The following PDE1C variants were observed in gnomAD, a reference collection of about 807,000 sequenced individuals.
PDE1C encodes the protein phosphodiesterase 1C.
In PDE1C, 62 loss-of-function variants were observed where a neutral mutation model predicts 93.1. That is an observed-to-expected ratio of 0.67 (90% confidence interval 0.54 to 0.82). PDE1C has a LOEUF of 0.82. Among genes scored for constraint, PDE1C ranks in the 40% least tolerant of loss-of-function variants. PDE1C has a pLI of 0.00. For missense variants in PDE1C, 742 were observed against 884.6 expected, an observed-to-expected ratio of 0.84 and a Z score of 2.04; for synonymous variants, 325 against 310.1, an observed-to-expected ratio of 1.05 and a Z score of -0.50.
intron 1 of PDE1C, among the ~76,000 whole-genome samples, chr7:32,214,120 CTT>C (rs1377913688): frequency 3.3e-5 from 5 of 151,852 alleles, no homozygotes; most frequent in Non-Finnish European, 5.9e-5. Context: ...ATGTAAAAAA[CTT>C]TTTATACATA....
chr7:31,850,438 T>C (rs772834253), intron 8 of PDE1C, among the ~76,000 whole-genome samples: 31 of 152,012 alleles, frequency 2.0e-4, no homozygotes, highest in Non-Finnish European at 3.5e-4. Flanking sequence ...CTGAACAAAA[T>C]AGGAGAATTA....
Position 31,884,490 on chromosome 7 carries a change from C to T in PDE1C, c.129-3630G>A, listed in dbSNP as rs150484380. Among the ~76,000 whole-genome samples, 197 of 152,120 alleles carry T rather than the reference C, an allele frequency of 1.3e-3. 5 individuals are homozygous for T. Among genetic ancestry groups the T allele is most frequent in the African/African-American group, 4.6e-3 (190 of 41,504 alleles). ...TTGTTAAAAAGAGTTAAGTGGTGAC[C>T]AGCTTTGTATATACCCATCTCCTGT... On this transcript the variant is annotated intron_variant, in intron 2 of 17. Transcript: ENST00000396191.
intron 2 of PDE1C, among the ~76,000 whole-genome samples, chr7:31,895,132 G>A (rs1454866512): frequency 6.6e-6 from 1 of 152,154 alleles, no homozygotes; most frequent in Non-Finnish European, 1.5e-5. Flanking sequence ...TAGGCAGGAA[G>A]GAGGAAGATT....
At chr7:31,880,252 A>G (rs1426639202) in intron 3 of PDE1C, among the ~76,000 whole-genome samples, 9 of 152,212 alleles carry the variant, frequency 5.9e-5, no homozygotes, top group African/African-American at 2.2e-4. Flanking sequence ...ACGTTTAGAT[A>G]ATTCAAGTGG....
chr7:32,044,677 C>G (rs1006754621), intron 2 of PDE1C, among the ~76,000 whole-genome samples: 1 of 152,020 alleles, frequency 6.6e-6, no homozygotes, highest in South Asian at 2.1e-4. Flanking sequence ...GCCCACAATC[C>G]GTTAGGGACC....
At position 31,827,655 on chromosome 7, in the gene PDE1C, T is replaced by C. The variant is rs1338836324; in HGVS notation, c.1285+637A>G. ...AATGCCTAATTCTTATTGAATTTTC[T>C]TAAATGACTTCAGACTCTTCAAAGG... On this transcript the variant is annotated intron_variant, in intron 12 of 17. Coordinates refer to ENST00000396191, the MANE Select transcript of PDE1C (RefSeq NM_001191057.4). Among the ~76,000 whole-genome samples, 7 of 152,304 alleles carry C rather than the reference T, an allele frequency of 4.6e-5. No homozygotes were observed. The South Asian group carries it at 1.2e-3, about 27-fold the overall frequency.
intron 3 of PDE1C, among the ~76,000 whole-genome samples, chr7:32,109,546 C>T (rs1443964018): frequency 6.6e-6 from 1 of 152,114 alleles, no homozygotes; most frequent in Non-Finnish European, 1.5e-5. Flanking sequence ...GGCCTCTACC[C>T]AATAGGTGCC....
intron 1 of PDE1C, among the ~76,000 whole-genome samples, chr7:32,265,934 G>C (rs1351458369): frequency 7.1e-6 from 1 of 141,580 alleles, no homozygotes; most frequent in African/African-American, 2.5e-5. Context: ...TGGGAGGTCA[G>C]GTGGGGGTAA....
intron 1 of PDE1C, among the ~76,000 whole-genome samples, chr7:32,288,305 G>C (rs1237161093): frequency 6.6e-6 from 1 of 152,128 alleles, no homozygotes; most frequent in Non-Finnish European, 1.5e-5. Flanking sequence ...TGATGTTTGG[G>C]AAAGTGCTTT....
intron 11 of PDE1C, among the ~76,000 whole-genome samples, chr7:31,831,504 A>ATGCACG (rs1790400941): frequency 2.1e-5 from 3 of 143,560 alleles, no homozygotes; most frequent in Admixed American, 1.4e-4. Context: ...GCACGCACAC[A>ATGCACG]CACACACACA....
At chr7:31,640,642 CT>C in the PDE1C span, among the ~76,000 whole-genome samples, 43,958 of 147,034 alleles carry the variant, frequency 0.3, 6,886 homozygotes, top group Middle Eastern at 0.36. Context: ...TCTCGAAAAA[CT>C]TTTTTTTTTT....
At chr7:32,252,769 C>T (rs1196635394) in intron 1 of PDE1C, among the ~76,000 whole-genome samples, 3 of 152,104 alleles carry the variant, frequency 2.0e-5, no homozygotes, top group Admixed American at 6.5e-5. Flanking sequence ...TTGTGAAATA[C>T]AATAAAAATG....
At chr7:31,619,237 A>AATGGAAGGCATAATGACTAGATTTCT in the PDE1C span, among the ~76,000 whole-genome samples, 1 of 152,166 alleles carries the variant, frequency 6.6e-6, no homozygotes, top group Non-Finnish European at 1.5e-5. Context: ...GTCATAGTAA[A>AATGGAAGGCATAATGACTAGATTTCT]ATGGAAGGCA....
intron 2 of PDE1C, among the ~76,000 whole-genome samples, chr7:32,026,731 A>T (rs1789485512): frequency 6.6e-6 from 1 of 152,172 alleles, no homozygotes; most frequent in Admixed American, 6.6e-5. Context: ...AGCTTTATTC[A>T]TAATTGCCAA....
At chr7:32,224,838 G>T (rs1807135011) in intron 1 of PDE1C, among the ~76,000 whole-genome samples, 1 of 151,902 alleles carries the variant, frequency 6.6e-6, no homozygotes, top group African/African-American at 2.4e-5. Context: ...ATTGGAAAAT[G>T]GATAAAATTG....
intron 7 of PDE1C, among the ~76,000 whole-genome samples, chr7:31,855,069 TAAAAAA>T (rs70989615): frequency 9.3e-6 from 1 of 107,040 alleles, no homozygotes; most frequent in Admixed American, 1.0e-4. Flanking sequence ...TCCCTCTGTC[TAAAAAA>T]AAAAAAAAAA....
At chr7:31,914,791 T>C (rs1801669756) in intron 2 of PDE1C, among the ~76,000 whole-genome samples, 1 of 152,156 alleles carries the variant, frequency 6.6e-6, no homozygotes, top group Admixed American at 6.5e-5. Flanking sequence ...ATAGCAAAAA[T>C]TGCTGTCCAA....
At chr7:32,068,910 C>T (rs369896982) in intron 1 of PDE1C, among the ~76,000 whole-genome samples, 3 of 152,120 alleles carry the variant, frequency 2.0e-5, no homozygotes, top group Non-Finnish European at 2.9e-5. Flanking sequence ...ACAATACAAT[C>T]GGACGTAATG....
chr7:32,245,870 G>C (rs1333648051), intron 1 of PDE1C, among the ~76,000 whole-genome samples: 1 of 152,018 alleles, frequency 6.6e-6, no homozygotes, highest in Admixed American at 6.6e-5. Context: ...TCAACCACAA[G>C]GACTCTGCCC....
Sources: gnomAD v4.1 joint callset for allele counts (sites outside exome capture counted in the v4.1 genomes callset) on GRCh38, gnomAD v4.1.1 for gene constraint, MANE v1.5 for transcripts, NCBI Gene and HGNC (gene_info 2026-07-23, HGNC 2026-07-21) for gene names.